The following BIRC6 variants were observed in gnomAD, a reference collection of about 807,000 sequenced individuals.
The protein encoded by BIRC6 is dual E2 ubiquitin-conjugating enzyme/E3 ubiquitin-protein ligase BIRC6.
BIRC6 carries 98 observed loss-of-function variants against 503.3 expected under a neutral mutation model. The observed-to-expected ratio is 0.19, with a 90% confidence interval of 0.17 to 0.23. The LOEUF is 0.23. Ranked by LOEUF, BIRC6 falls within the 10% of genes least tolerant of loss-of-function variation. The pLI, the probability that BIRC6 is intolerant of heterozygous loss-of-function variation, is 1.00. For synonymous variants in BIRC6, 2,240 were observed against 2,078.7 expected (o/e 1.08, Z -2.11); for missense variants, 5,360 against 5,806.0 (o/e 0.92, Z 2.50).
chr2:32,488,216 G>A (rs978771347), intron 41 of BIRC6, among the ~76,000 whole-genome samples: 1 of 152,008 alleles, frequency 6.6e-6, no homozygotes, highest in African/African-American at 2.4e-5. Context: ...AGTAGCACAT[G>A]CCTACAGTCC....
At position 32,479,448 on chromosome 2, in the gene BIRC6, C is replaced by T; in HGVS notation, c.7253-14C>T. The T allele has an allele frequency of 6.3e-7, 1 of 1,585,614 alleles. No individual in the cohort carries two copies. Among genetic ancestry groups the T allele is most frequent in the Non-Finnish European group, 8.6e-7 (1 of 1,164,690 alleles). On this transcript the variant is annotated splice_polypyrimidine_tract_variant and intron_variant, in intron 36 of 73. Transcript: ENST00000421745. The stretch of plus-strand genomic sequence containing the variant: ...GTATAAATTATTAAAACAGGACTAT[C>T]CCCTTACATACAGGAGAATTACTGG...
chr2:32,445,247 A>G (rs2045832619), intron 20 of BIRC6, among the ~76,000 whole-genome samples: 2 of 152,238 alleles, frequency 1.3e-5, no homozygotes, highest in African/African-American at 2.4e-5. Flanking sequence ...ATAAATACAC[A>G]TTATTATACA....
intron 45 of BIRC6, among the ~76,000 whole-genome samples, chr2:32,498,947 G>A (rs1026696609): frequency 1.3e-5 from 2 of 152,058 alleles, no homozygotes; most frequent in African/African-American, 4.8e-5. Context: ...ACTTCCTGGC[G>A]CCACAAGTGA....
At chr2:32,555,169 A>G (rs905880351) in intron 65 of BIRC6, among the ~76,000 whole-genome samples, 1 of 152,174 alleles carries the variant, frequency 6.6e-6, no homozygotes, top group Non-Finnish European at 1.5e-5. Context: ...TTTCATGGTA[A>G]TAGTTCATAT....
intron 57 of BIRC6, among the ~76,000 whole-genome samples, chr2:32,521,148 CTT>C (rs1214450297): frequency 6.6e-6 from 1 of 151,890 alleles, no homozygotes; most frequent in East Asian, 1.9e-4. Context: ...GATTTATACT[CTT>C]TAGCCATATT....
chr2:32,420,185 A>G (rs1482281804), intron 10 of BIRC6, among the ~76,000 whole-genome samples: 1 of 152,072 alleles, frequency 6.6e-6, no homozygotes, highest in African/African-American at 2.4e-5. Context: ...TGCTTTTTGT[A>G]ATCTTTATCT....
chr2:32,439,853 TTTGAG>T (rs1401460826), intron 16 of BIRC6, among the ~76,000 whole-genome samples, 167 bp downstream of exon 16: 1 of 152,186 alleles, frequency 6.6e-6, no homozygotes, highest in Non-Finnish European at 1.5e-5. Flanking sequence ...AAGAAGAATG[TTTGAG>T]TTAACTTTAT....
chr2:32,571,676 T>C (rs765369336), intron 65 of BIRC6, among the ~76,000 whole-genome samples: 2 of 144,260 alleles, frequency 1.4e-5, no homozygotes, highest in Non-Finnish European at 2.9e-5. Flanking sequence ...ATCAGTTTTG[T>C]TTATCTTTTC....
chr2:32,461,077 C>CTTCTGTTCTT (rs2047899278), intron 23 of BIRC6, among the ~76,000 whole-genome samples: 2 of 4,700 alleles, frequency 4.3e-4, no homozygotes, highest in African/African-American at 1.6e-3. Flanking sequence ...GTTCTCCTCT[C>CTTCTGTTCTT]CTCTCCTCTC....
chr2:32,480,736 G>A (rs1048253908), intron 37 of BIRC6, among the ~76,000 whole-genome samples: 4 of 137,742 alleles, frequency 2.9e-5, no homozygotes, highest in African/African-American at 1.1e-4. Flanking sequence ...CTGCCTCCTG[G>A]GTTCAAGCGA....
intron 10 of BIRC6, among the ~76,000 whole-genome samples, chr2:32,418,346 A>G (rs1308433058): frequency 6.6e-6 from 1 of 152,216 alleles, no homozygotes; most frequent in East Asian, 1.9e-4. Context: ...ACTTTAATAT[A>G]CTATTATTGT....
chr2:32,404,574 A>G (rs1254077396), intron 8 of BIRC6, among the ~76,000 whole-genome samples: 3 of 152,180 alleles, frequency 2.0e-5, no homozygotes, highest in Non-Finnish European at 4.4e-5. Context: ...TCAGCCTCCA[A>G]AAGTGCTGGG....
At position 32,482,442 on chromosome 2, in the gene BIRC6, C is replaced by T. The variant is rs2050514522; in HGVS notation, c.7556C>T (p.Thr2519Ile). 2 of 1,613,554 alleles carry T rather than the reference C, an allele frequency of 1.2e-6. No homozygotes were observed. The highest frequency in any genetic ancestry group is 1.7e-6 in the Non-Finnish European group (2 of 1,179,776). Reference protein sequence around the residue: ...AAKVFKPISSTWYDYWGADYG... With the variant: ...AAKVFKPISSIWYDYWGADYG... Reference sequence around the variant, plus strand: ...CATTCTTTTAAGCCAATAAGCAGTACATGGTATGATTATTGGGGTGCTGAT... The same window carrying T: ...CATTCTTTTAAGCCAATAAGCAGTATATGGTATGATTATTGGGGTGCTGAT... The change falls in exon 39 of 74, where the codon ACA becomes ATA. Residue 2519 changes from threonine (T) to isoleucine (I), a missense_variant. Transcript: ENST00000421745.
intron 8 of BIRC6, among the ~76,000 whole-genome samples, chr2:32,402,474 T>G (rs1284497160): frequency 6.6e-6 from 1 of 152,224 alleles, no homozygotes; most frequent in Non-Finnish European, 1.5e-5. Context: ...TCATTTTACT[T>G]CACAACCCCT....
At chr2:32,497,918 C>A (rs1049729769) in intron 45 of BIRC6, among the ~76,000 whole-genome samples, 1 of 152,102 alleles carries the variant, frequency 6.6e-6, no homozygotes, top group Non-Finnish European at 1.5e-5. Context: ...TAATTATTGA[C>A]ATGCTGGATT....
At chr2:32,467,472 T>G in intron 26 of BIRC6, 53 bp from the exon 27 acceptor site, 1 of 1,382,974 alleles carries the variant, frequency 7.2e-7, no homozygotes, top group Non-Finnish European at 1.0e-6. Context: ...TTTGAGTGTA[T>G]CATTTGGTTA....
At chr2:32,483,644 C>G (rs2050664754) in intron 39 of BIRC6, among the ~76,000 whole-genome samples, 1 of 152,208 alleles carries the variant, frequency 6.6e-6, no homozygotes, top group South Asian at 2.1e-4. Context: ...CTCATTCAGT[C>G]TGCAGTAGTT....
At chr2:32,486,836 A>G (rs1030884415) in intron 40 of BIRC6, among the ~76,000 whole-genome samples, 6 of 152,228 alleles carry the variant, frequency 3.9e-5, no homozygotes, top group African/African-American at 1.2e-4. Flanking sequence ...GTATTGGTAC[A>G]CAAATATTCT....
At position 32,611,661 on chromosome 2, in the gene BIRC6, T is replaced by C. The variant is rs1009627493; in HGVS notation, c.14394+79T>C. The C allele has an allele frequency of 7.1e-5, 92 of 1,301,196 alleles. 1 individual carries two copies. In the African/African-American group the frequency reaches 1.2e-3, roughly 17 times the overall value. The allele number at this position is 1,301,196 out of a possible 1,614,324, so 80.6% of individuals were successfully genotyped here. On this transcript the variant is annotated intron_variant, in intron 73 of 73. Coordinates refer to ENST00000421745, the MANE Select transcript of BIRC6 (RefSeq NM_016252.4). Reference sequence around the variant, plus strand: ...TGACAGAACCATGCCTACCAGAAGATAATGGGAGGGAGGGAATTAAAGAAA... The same window carrying C: ...TGACAGAACCATGCCTACCAGAAGACAATGGGAGGGAGGGAATTAAAGAAA...
Sources: gnomAD v4.1 joint callset for allele counts (sites outside exome capture counted in the v4.1 genomes callset) on GRCh38, gnomAD v4.1.1 for gene constraint, MANE v1.5 for transcripts, NCBI Gene and HGNC (gene_info 2026-07-23, HGNC 2026-07-21) for gene names.